The following OSTF1 variants were observed in gnomAD, a reference collection of about 807,000 sequenced individuals.
OSTF1 encodes the protein osteoclast-stimulating factor 1.
In OSTF1, 27 loss-of-function variants were observed where a neutral mutation model predicts 37.2. The observed-to-expected ratio is 0.73, with a 90% CI of 0.54 to 1.00. The LOEUF is 1.00. OSTF1 is among the 50% of genes least tolerant of loss of function. The pLI, the probability that OSTF1 is intolerant of heterozygous loss-of-function variation, is 0.00. For missense variants in OSTF1, 232 were observed against 253.8 expected, an observed-to-expected ratio of 0.91 and a Z score of 0.58; for synonymous variants, 82 against 89.2, an observed-to-expected ratio of 0.92 and a Z score of 0.46.
chr9:75,128,604 A>T (rs866417122), intron 3 of OSTF1, among the ~76,000 whole-genome samples: 4 of 109,612 alleles, frequency 3.6e-5, no homozygotes, highest in African/African-American at 6.7e-5. Context: ...ATATATATAT[A>T]TATTTTGTCC....
At chr9:75,132,555 A>G (rs56025671) in intron 5 of OSTF1, among the ~76,000 whole-genome samples, 7,397 of 152,060 alleles carry the variant, frequency 0.049, 198 homozygotes, top group Middle Eastern at 0.068. Context: ...AATAAATCCA[A>G]CCCCAAATGC....
chr9:75,134,188 G>T (rs925332160), intron 6 of OSTF1, among the ~76,000 whole-genome samples, 158 bp from the exon 7 acceptor site: 15 of 152,242 alleles, frequency 9.9e-5, no homozygotes, highest in African/African-American at 2.4e-4. Flanking sequence ...CCACTTTTTA[G>T]ATTCTTAAGT....
intron 5 of OSTF1, 69 bp from the exon 6 acceptor site, chr9:75,133,225 T>G: frequency 1.1e-6 from 1 of 951,106 alleles, no homozygotes; most frequent in South Asian, 1.5e-5. Flanking sequence ...AGAATGACAT[T>G]GATTTAAAAG....
chr9:75,112,123 T>G (rs1443790480), intron 1 of OSTF1, among the ~76,000 whole-genome samples: 1 of 12,316 alleles, frequency 8.1e-5, no homozygotes, highest in Non-Finnish European at 1.6e-4. Context: ...GCCTACTGCT[T>G]TTTTTTTTTT....
intron 1 of OSTF1, among the ~76,000 whole-genome samples, chr9:75,115,044 T>C (rs1042655674): frequency 3.3e-5 from 5 of 152,260 alleles, no homozygotes; most frequent in African/African-American, 1.2e-4. Context: ...TTTTTGAGTA[T>C]TCAGTCTATA....
intron 2 of OSTF1, 82 bp downstream of exon 2, chr9:75,117,632 G>A: frequency 9.6e-7 from 1 of 1,037,772 alleles, no homozygotes; most frequent in Non-Finnish European, 1.5e-6. Flanking sequence ...GGTGTGAATG[G>A]TCTGCCTTTT....
rs1351358597 is a variant in OSTF1 at position 75,134,991 on chromosome 9, C to CT, written c.408+602dup. The stretch of plus-strand genomic sequence containing the variant: ...AATGTGTAAGATAATCAACAGCTTT[C>CT]TTTTTTCTCCCTGGATTCATTACTT... On this transcript the variant is annotated intron_variant, in intron 7 of 9. Transcript: ENST00000346234. Among the ~76,000 whole-genome samples, 3 of 152,256 alleles carry CT rather than the reference C, an allele frequency of 2.0e-5. No homozygotes were observed. The East Asian group carries it at 5.8e-4, about 29-fold the overall frequency.
intron 1 of OSTF1, among the ~76,000 whole-genome samples, chr9:75,108,878 A>G (rs1825336277): frequency 6.6e-6 from 1 of 152,302 alleles, no homozygotes; most frequent in South Asian, 2.1e-4. Context: ...TTAGTTTTAC[A>G]GAAGTCCCAT....
chr9:75,119,895 C>G (rs1825551656), intron 2 of OSTF1, among the ~76,000 whole-genome samples: 1 of 151,808 alleles, frequency 6.6e-6, no homozygotes, highest in South Asian at 2.1e-4. Flanking sequence ...ACCCAGGTGG[C>G]AGAGATTGCA....
At chr9:75,093,676 T>C (rs1825022412) in intron 1 of OSTF1, among the ~76,000 whole-genome samples, 1 of 152,242 alleles carries the variant, frequency 6.6e-6, no homozygotes, top group Non-Finnish European at 1.5e-5. Flanking sequence ...ACACGCATGC[T>C]GCTTAAATAA....
intron 1 of OSTF1, among the ~76,000 whole-genome samples, chr9:75,099,948 C>G (rs749157514): frequency 2.0e-5 from 3 of 152,128 alleles, no homozygotes; most frequent in Admixed American, 6.5e-5. Flanking sequence ...CTTTAGAATT[C>G]AAACAAAAAT....
intron 9 of OSTF1, among the ~76,000 whole-genome samples, chr9:75,143,547 A>G (rs1364966520): frequency 6.6e-6 from 1 of 152,200 alleles, no homozygotes; most frequent in Admixed American, 6.5e-5. Context: ...ATGTAAATGG[A>G]ATCAAACAGT....
At chr9:75,115,059 CG>C (rs1564159898) in intron 1 of OSTF1, among the ~76,000 whole-genome samples, 1 of 152,094 alleles carries the variant, frequency 6.6e-6, no homozygotes, top group Non-Finnish European at 1.5e-5. Flanking sequence ...TCTATATAAA[CG>C]CATGTGGATT....
At chr9:75,105,144 A>G (rs1161925313) in intron 1 of OSTF1, among the ~76,000 whole-genome samples, 1 of 152,194 alleles carries the variant, frequency 6.6e-6, no homozygotes, top group Admixed American at 6.6e-5. Context: ...TCATTTGCCC[A>G]ACCAGTCATT....
intron 7 of OSTF1, 22 bp from the exon 8 acceptor site, chr9:75,137,516 C>CT (rs761808821): frequency 2.0e-4 from 298 of 1,522,464 alleles, no homozygotes; most frequent in Non-Finnish European, 2.6e-4. Flanking sequence ...AAAAATGGTA[C>CT]TTTCTCTTTT....
intron 3 of OSTF1, 31 bp from the exon 4 acceptor site, chr9:75,130,547 A>C (rs1825746214): frequency 2.7e-6 from 4 of 1,470,010 alleles, no homozygotes; most frequent in South Asian, 1.1e-5. Context: ...TCTGGATTTC[A>C]TACCACTTAA....
chr9:75,108,781 G>A (rs61649613), intron 1 of OSTF1, among the ~76,000 whole-genome samples: 11,778 of 152,096 alleles, frequency 0.077, 966 homozygotes, highest in African/African-American at 0.21. Context: ...TGCTGGCAGC[G>A]TCACTTCCGG....
chr9:75,133,338 G>A lies in OSTF1; in HGVS notation c.295G>A (p.Val99Ile). The stretch of plus-strand genomic sequence containing the variant: ...AGAGTGTTTGGACAACAGAGTGGGT[G>A]TTAATGGCTTAGACAAAGCTGGAAG... The part of the protein sequence containing the change: ...LRECLDNRVG[V>I]NGLDKAGSTA... Residue 99 changes from valine to isoleucine, a missense_variant, in exon 6 of 10, where the codon GTT (valine) becomes ATT (isoleucine). Physicochemically the swap from Val to Ile is conservative, Grantham distance 29. Transcript: ENST00000346234. The A allele has an allele frequency of 1.2e-6, 2 of 1,613,206 alleles. No individual in the cohort carries two copies. The highest frequency in any genetic ancestry group is 1.7e-6 in the Non-Finnish European group (2 of 1,179,274).
intron 1 of OSTF1, among the ~76,000 whole-genome samples, chr9:75,089,712 G>A (rs1824918144): frequency 6.6e-6 from 1 of 152,204 alleles, no homozygotes; most frequent in Non-Finnish European, 1.5e-5. Context: ...TTCCCATAGT[G>A]TAATTTCGGT....
Sources: gnomAD v4.1 joint callset for allele counts (sites outside exome capture counted in the v4.1 genomes callset) on GRCh38, gnomAD v4.1.1 for gene constraint, MANE v1.5 for transcripts, NCBI Gene and HGNC (gene_info 2026-07-23, HGNC 2026-07-21) for gene names.